Variants in UTRN observed in about 807,000 individuals in gnomAD.
UTRN encodes the protein utrophin.
A neutral mutation model predicts 463.9 loss-of-function variants in UTRN; 283 were observed. The observed-to-expected ratio is 0.61, with a 90% CI of 0.55 to 0.67. The LOEUF (loss-of-function observed/expected upper bound fraction) is 0.67, where lower values mean the gene tolerates loss of function less well. UTRN is among the 30% of genes least tolerant of loss of function. The pLI is 0.00. For missense variants in UTRN, 3,922 were observed against 4,084.3 expected, an observed-to-expected ratio of 0.96 and a Z score of 1.08; for synonymous variants, 1,442 against 1,431.5, an observed-to-expected ratio of 1.01 and a Z score of -0.17.
intron 3 of UTRN, among the ~76,000 whole-genome samples, chr6:144,408,317 G>A (rs912205359): frequency 2.6e-5 from 4 of 152,190 alleles, no homozygotes; most frequent in African/African-American, 4.8e-5. Context: ...TTAGCCGGCC[G>A]GTCTCCCAAG....
intron 51 of UTRN, among the ~76,000 whole-genome samples, chr6:144,637,880 A>T (rs1441477931): frequency 2.6e-5 from 4 of 152,176 alleles, no homozygotes; most frequent in South Asian, 2.1e-4. Context: ...CTGAATTTTT[A>T]AAAAAATCTT....
chr6:144,381,460 G>T (rs2114738034), intron 2 of UTRN, among the ~76,000 whole-genome samples: 1 of 152,238 alleles, frequency 6.6e-6, no homozygotes, highest in East Asian at 1.9e-4. Context: ...CTTTGTTACT[G>T]TGCTGCAATG....
intron 55 of UTRN, among the ~76,000 whole-genome samples, chr6:144,748,719 A>G (rs1484911818): frequency 6.6e-6 from 1 of 152,192 alleles, no homozygotes; most frequent in Non-Finnish European, 1.5e-5. Flanking sequence ...CCAAATAACA[A>G]CTAATGCAAC....
chr6:144,671,523 C>A (rs1367260853), intron 51 of UTRN, among the ~76,000 whole-genome samples: 1 of 151,978 alleles, frequency 6.6e-6, no homozygotes, highest in Non-Finnish European at 1.5e-5. Flanking sequence ...TTTATCAGAT[C>A]TGGGAGCTTT....
intron 41 of UTRN, among the ~76,000 whole-genome samples, chr6:144,526,588 G>A (rs1056382295): frequency 1.3e-5 from 2 of 152,020 alleles, no homozygotes; most frequent in African/African-American, 4.8e-5. Flanking sequence ...TGTCGGGTGA[G>A]TCTCTTGAAG....
At chr6:144,523,417 CTCCTGCCTCAGCT>C (rs1796290485) in intron 41 of UTRN, among the ~76,000 whole-genome samples, 1 of 152,170 alleles carries the variant, frequency 6.6e-6, no homozygotes, top group Admixed American at 6.5e-5. Context: ...TCAAGCAATT[CTCCTGCCTCAGCT>C]TCCCAAGTAG....
At position 144,442,171 on chromosome 6, in the gene UTRN, T is replaced by C. The variant is rs150687471; in HGVS notation, c.1512+1700T>C. On this transcript the variant is annotated intron_variant, in intron 13 of 74. Transcript: ENST00000367545. ...CCAGCTTGAATTTCTCCTCAGAAAA[T>C]GAGATTTTCTTTTCTATTGCATTGT... Among the ~76,000 whole-genome samples the C allele has an allele frequency of 4.5e-3, 679 of 152,292 alleles. 5 individuals carry two copies. Among genetic ancestry groups the C allele is most frequent in the African/African-American group, 0.016 (660 of 41,556 alleles).
intron 3 of UTRN, among the ~76,000 whole-genome samples, chr6:144,415,230 A>C (rs1030690733): frequency 3.3e-5 from 5 of 152,188 alleles, no homozygotes; most frequent in Non-Finnish European, 4.4e-5. Flanking sequence ...CACAATGATG[A>C]AATCACCTAA....
At chr6:144,539,270 A>C (rs1797797538) in intron 44 of UTRN, 24 bp from the exon 45 acceptor site, 2 of 1,574,838 alleles carry the variant, frequency 1.3e-6, no homozygotes, top group African/African-American at 2.7e-5. Context: ...CCTTCTAACC[A>C]CACCTATCTT....
At chr6:144,798,088 G>A in intron 64 of UTRN, 98 bp downstream of exon 64, 2 of 1,533,024 alleles carry the variant, frequency 1.3e-6, no homozygotes, top group Non-Finnish European at 1.8e-6. Context: ...CCATTTGGAG[G>A]TTTGCTTTCT....
At chr6:144,538,669 C>CAAAA (rs58250042) in intron 44 of UTRN, among the ~76,000 whole-genome samples, 1 of 79,310 alleles carries the variant, frequency 1.3e-5, no homozygotes, top group African/African-American at 4.4e-5. Context: ...GACTCCGTCT[C>CAAAA]AAAAAAAAAA....
intron 23 of UTRN, among the ~76,000 whole-genome samples, chr6:144,473,161 C>A (rs1790843467): frequency 6.6e-6 from 1 of 152,144 alleles, no homozygotes; most frequent in Non-Finnish European, 1.5e-5. Flanking sequence ...TGTCTTTGAA[C>A]CCCTATCGCC....
chr6:144,423,637 A>G lies in UTRN; in HGVS notation c.312+11A>G. On this transcript the variant is annotated intron_variant, in intron 5 of 74. Coordinates refer to ENST00000367545, the MANE Select transcript of UTRN (RefSeq NM_007124.3). ...TTACATCAGAACAATGTAAGTGTGT[A>G]ATGTGAGTTCTGGGGGTCTGTGCTG... is the stretch of plus-strand genomic sequence containing the variant. 1 of 1,614,110 alleles carries G rather than the reference A, an allele frequency of 6.2e-7. No homozygotes were observed.
intron 54 of UTRN, among the ~76,000 whole-genome samples, chr6:144,732,263 CATATATATATAT>C (rs1227075300): frequency 2.0e-5 from 2 of 98,042 alleles, no homozygotes; most frequent in Non-Finnish European, 4.0e-5. Context: ...TATATACACA[CATATATATATAT>C]ATACACACAT....
At chr6:144,557,897 A>G (rs1291201008) in intron 50 of UTRN, among the ~76,000 whole-genome samples, 1 of 152,194 alleles carries the variant, frequency 6.6e-6, no homozygotes, top group East Asian at 1.9e-4. Flanking sequence ...GAATCACTTG[A>G]ACACCTAGAA....
intron 72 of UTRN, among the ~76,000 whole-genome samples, chr6:144,839,723 A>G (rs1416690406): frequency 6.6e-6 from 1 of 152,156 alleles, no homozygotes; most frequent in African/African-American, 2.4e-5. Context: ...CCACTTAGAC[A>G]TTGTCTTGCC....
Position 144,487,602 on chromosome 6 carries a change from C to T in UTRN, c.3877C>T (p.Leu1293Phe). Residue 1293 changes from leucine (L) to phenylalanine (F), a missense_variant, in exon 29 of 75, where the codon CTT becomes TTT. By Grantham distance (22) the Leu-to-Phe change is conservative. Around this residue, in one of 3 missense-constraint regions of UTRN, gnomAD observed 2,349 missense variants for 2,303.8 expected, o/e 1.02. Coordinates refer to ENST00000367545, the MANE Select transcript of UTRN (RefSeq NM_007124.3). ...PADNRTQIRE[L>F]GQTLIDGGIL... ...AGATAATCGCACCCAGATTCGAGAG[C>T]TTGGCCAGACTCTGATTGATGGGGG... 1 of 1,613,458 alleles carries T rather than the reference C, an allele frequency of 6.2e-7. No homozygotes were observed. The highest frequency in any genetic ancestry group is 8.5e-7 in the Non-Finnish European group (1 of 1,179,654).
intron 51 of UTRN, among the ~76,000 whole-genome samples, chr6:144,621,596 A>G (rs759536879): frequency 2.0e-5 from 3 of 152,174 alleles, no homozygotes; most frequent in Non-Finnish European, 4.4e-5. Flanking sequence ...GTCTTCTCAT[A>G]GTGTTAATAA....
At chr6:144,431,058 C>T (rs1785787582) in intron 9 of UTRN, among the ~76,000 whole-genome samples, 1 of 152,062 alleles carries the variant, frequency 6.6e-6, no homozygotes, top group Admixed American at 6.5e-5. Context: ...GAAAAAAATG[C>T]TAGGAAGTAT....
Sources: allele counts gnomAD v4.1 joint callset (sites outside exome capture counted in the v4.1 genomes callset), GRCh38; gene constraint gnomAD v4.1.1; regional missense constraint gnomAD v4.1.1; transcripts MANE v1.5; gene names NCBI Gene and HGNC (gene_info 2026-07-23, HGNC 2026-07-21).